The following VMP1 variants were observed in gnomAD, a reference collection of about 807,000 sequenced individuals.
VMP1 encodes vacuole membrane protein 1.
VMP1 carries 11 observed loss-of-function variants against 56.0 expected under a neutral mutation model. The ratio of observed to expected loss-of-function variants is 0.20; its 90% CI spans 0.12 to 0.32. The LOEUF (loss-of-function observed/expected upper bound fraction) is 0.32. Ranked by LOEUF, VMP1 falls within the 10% of genes least tolerant of loss-of-function variation. VMP1 has a pLI of 1.00. For missense variants in VMP1, 296 were observed against 490.3 expected (o/e 0.60, Z 3.74); for synonymous variants, 149 against 165.0 (o/e 0.90, Z 0.74).
chr17:59,720,669 T>C (rs1280553024), intron 1 of VMP1, among the ~76,000 whole-genome samples: 1 of 152,170 alleles, frequency 6.6e-6, no homozygotes. Flanking sequence ...CACTGTGTAG[T>C]GCACTTATAT....
intron 10 of VMP1, among the ~76,000 whole-genome samples, chr17:59,823,413 T>C (rs1568214735): frequency 1.4e-5 from 2 of 145,148 alleles, no homozygotes; most frequent in Non-Finnish European, 3.0e-5. Context: ...ATCACACCAC[T>C]GCACTCCAGC....
chr17:59,758,400 A>G (rs1441444457), intron 5 of VMP1, among the ~76,000 whole-genome samples: 1 of 152,198 alleles, frequency 6.6e-6, no homozygotes, highest in East Asian at 1.9e-4. Flanking sequence ...GTTTTCAACT[A>G]TGTATGTGCC....
At chr17:59,822,485 C>A (rs1033509519) in intron 10 of VMP1, among the ~76,000 whole-genome samples, 2 of 151,772 alleles carry the variant, frequency 1.3e-5, no homozygotes, top group Non-Finnish European at 2.9e-5. Context: ...TGCACCACCA[C>A]ACCTGGCTAA....
rs775555698 is a variant in VMP1 at position 59,720,973 on chromosome 17, CA to C, written c.-26-10436del. Among the ~76,000 whole-genome samples, 316 of 140,518 alleles carry C rather than the reference CA, an allele frequency of 2.2e-3. 2 individuals carry two copies. The highest frequency in any genetic ancestry group is 3.2e-3 in the Non-Finnish European group (208 of 64,172). 92.2% of individuals were successfully genotyped at this position (140,518 alleles called of 152,430 possible). ...GGGCAACAAGAGCGAAACTCCATCT[CA>C]AAAAAAAAAAATTATCTTAAAGTAG... On this transcript the variant is annotated intron_variant, in intron 1 of 11. Transcript: ENST00000262291.
chr17:59,801,494 T>A (rs1250168831), intron 7 of VMP1, among the ~76,000 whole-genome samples: 1 of 151,896 alleles, frequency 6.6e-6, no homozygotes, highest in Non-Finnish European at 1.5e-5. Flanking sequence ...GCTCGAGTGA[T>A]CCTCCCATCT....
At chr17:59,820,287 G>T (rs540624878) in intron 10 of VMP1, among the ~76,000 whole-genome samples, 11 of 152,234 alleles carry the variant, frequency 7.2e-5, no homozygotes, top group African/African-American at 2.6e-4. Context: ...TCTTTGCCTA[G>T]TTCAAGATTT....
chr17:59,758,102 A>G (rs1223180994), intron 5 of VMP1, among the ~76,000 whole-genome samples: 1 of 151,936 alleles, frequency 6.6e-6, no homozygotes. Context: ...TCAGCCTCCC[A>G]AAGTGCTGAG....
Position 59,832,691 on chromosome 17 carries a change from T to A in VMP1, c.975-5604T>A, listed in dbSNP as rs376331766. Among the ~76,000 whole-genome samples, 7 of 151,692 alleles carry A rather than the reference T, an allele frequency of 4.6e-5. 1 individual carries two copies. The highest frequency in any genetic ancestry group is 1.7e-4 in the African/African-American group (7 of 41,312). On this transcript the variant is annotated intron_variant, in intron 10 of 11. Transcript: ENST00000262291. ...TCACTGCACCCTTCGCCTCCCGGGT[T>A]CAAGCGATTCTCCTTCCTCAGCCTC...
chr17:59,739,467 G>A (rs1049993979), intron 5 of VMP1, among the ~76,000 whole-genome samples: 1 of 151,522 alleles, frequency 6.6e-6, no homozygotes, highest in African/African-American at 2.4e-5. Flanking sequence ...GCTCACGCCT[G>A]TAATCCCAGC....
chr17:59,800,519 G>A (rs1377251644), intron 7 of VMP1, among the ~76,000 whole-genome samples: 1 of 152,186 alleles, frequency 6.6e-6, no homozygotes, highest in Non-Finnish European at 1.5e-5. Context: ...TATTGAAACA[G>A]TTGCTCTGAG....
chr17:59,741,842 T>C (rs952208802), intron 5 of VMP1, among the ~76,000 whole-genome samples: 1 of 152,164 alleles, frequency 6.6e-6, no homozygotes, highest in African/African-American at 2.4e-5. Flanking sequence ...GTAGAGTACA[T>C]TGGATCTTTT....
At chr17:59,835,742 G>A (rs935621324) in intron 10 of VMP1, among the ~76,000 whole-genome samples, 37 of 150,470 alleles carry the variant, frequency 2.5e-4, no homozygotes, top group Admixed American at 1.3e-3. Flanking sequence ...CGCCCGCCTC[G>A]GCCTCCCAAA....
chr17:59,835,131 G>C (rs1435796604), intron 10 of VMP1, among the ~76,000 whole-genome samples: 2 of 150,156 alleles, frequency 1.3e-5, no homozygotes, highest in East Asian at 4.3e-4. Flanking sequence ...TTGCTTTTTT[G>C]TTTGTTTTTT....
rs532283787 is a variant in VMP1 at position 59,824,049 on chromosome 17, G to A, written c.974+6276G>A. ...GCAGATCACCTGAGGTCAGGAATTC[G>A]AGACCATGCTGGCCAACATGGTGAA... is the stretch of plus-strand genomic sequence containing the variant. On this transcript the variant is annotated intron_variant, in intron 10 of 11. Transcript: ENST00000262291. 2.6e-4 allele frequency among the ~76,000 whole-genome samples: 39 copies of A among 151,712 alleles called. No homozygotes were observed. The East Asian group carries it at 6.5e-3, about 25-fold the overall frequency.
chr17:59,772,775 A>G (rs1412302997), intron 6 of VMP1, among the ~76,000 whole-genome samples: 1 of 151,836 alleles, frequency 6.6e-6, no homozygotes, highest in African/African-American at 2.4e-5. Context: ...TCTCAAAAAA[A>G]AAAAGAAAAA....
chr17:59,833,695 A>G (rs1465876820), intron 10 of VMP1, among the ~76,000 whole-genome samples: 3 of 152,224 alleles, frequency 2.0e-5, no homozygotes, highest in South Asian at 4.1e-4. Flanking sequence ...AAATGTATCT[A>G]TCAGCTAAAG....
intron 8 of VMP1, among the ~76,000 whole-genome samples, chr17:59,809,570 G>C (rs1405024029): frequency 8.0e-6 from 1 of 124,696 alleles, no homozygotes; most frequent in African/African-American, 3.4e-5. Context: ...GCAGTGGCGG[G>C]ATCTCGGCTC....
intron 7 of VMP1, among the ~76,000 whole-genome samples, chr17:59,784,330 T>C (rs2036933018): frequency 6.6e-6 from 1 of 152,172 alleles, no homozygotes; most frequent in African/African-American, 2.4e-5. Flanking sequence ...TCTTCCCATC[T>C]GCATGTCTAC....
At chr17:59,757,327 A>T (rs2035880593) in intron 5 of VMP1, among the ~76,000 whole-genome samples, 1 of 151,646 alleles carries the variant, frequency 6.6e-6, no homozygotes, top group Admixed American at 6.6e-5. Context: ...TTCTAGGACA[A>T]TTTTTTTTGA....
Sources: gnomAD v4.1 joint callset for allele counts (sites outside exome capture counted in the v4.1 genomes callset) on GRCh38, gnomAD v4.1.1 for gene constraint, MANE v1.5 for transcripts, NCBI Gene and HGNC (gene_info 2026-07-23, HGNC 2026-07-21) for gene names.